SEMA4D: variants seen among roughly 807,000 people sequenced by gnomAD.
The protein encoded by SEMA4D is semaphorin 4D.
SEMA4D carries 22 observed loss-of-function variants against 74.8 expected under a neutral mutation model. The ratio of observed to expected loss-of-function variants is 0.29; its 90% confidence interval spans 0.21 to 0.42. SEMA4D has a LOEUF of 0.42. SEMA4D is among the 10% of genes least tolerant of loss of function. The pLI is 1.00. For synonymous variants in SEMA4D, 445 were observed against 463.7 expected, an observed-to-expected ratio of 0.96 and a Z score of 0.52; for missense variants, 937 against 1,118.4, an observed-to-expected ratio of 0.84 and a Z score of 2.31.
chr9:89,389,598 G>A (rs1303690318), intron 9 of SEMA4D, among the ~76,000 whole-genome samples: 1 of 152,172 alleles, frequency 6.6e-6, no homozygotes, highest in Non-Finnish European at 1.5e-5. Flanking sequence ...TTGAACCTAA[G>A]TTCTTTATAA....
chr9:89,364,259 G>T, intron 16 of SEMA4D: 1 of 450,918 alleles, frequency 2.2e-6, no homozygotes, highest in Non-Finnish European at 4.1e-6. Flanking sequence ...TTACAGAATG[G>T]TTCTGGGCCT....
Position 89,377,309 on chromosome 9 carries a change from G to T in SEMA4D, c.*1395C>A. 1 of 438,308 alleles carries T rather than the reference G, an allele frequency of 2.3e-6. No homozygotes were observed. The highest frequency in any genetic ancestry group is 2.0e-5 in the African/African-American group (1 of 49,440). The allele number at this position is 438,308 out of a possible 1,614,324, so 27.2% of individuals were successfully genotyped here. On this transcript the variant is annotated 3_prime_UTR_variant, in exon 16 of 16. Transcript: ENST00000422704. ...ATTCAAAGTAGAAAAATAAAAACAA[G>T]GTAAATCTTATAAAACACAAATGTT...
intron 2 of SEMA4D, among the ~76,000 whole-genome samples, chr9:89,441,645 C>T (rs1178515638): frequency 5.9e-5 from 9 of 152,194 alleles, no homozygotes; most frequent in Non-Finnish European, 1.5e-5. Flanking sequence ...CCCCATGGCT[C>T]CTCCTCAGGG....
intron 16 of SEMA4D, chr9:89,364,898 G>A (rs1267071849): frequency 7.6e-6 from 1 of 130,962 alleles, no homozygotes; most frequent in African/African-American, 3.0e-5. Context: ...GACACTATTT[G>A]TTCCAGGTGG....
At chr9:89,398,586 T>G (rs1293494231) in intron 5 of SEMA4D, among the ~76,000 whole-genome samples, 1 of 152,228 alleles carries the variant, frequency 6.6e-6, no homozygotes, top group Non-Finnish European at 1.5e-5. Flanking sequence ...AGAGGACAGC[T>G]GTCCCACACA....
chr9:89,469,013 T>C (rs1409253099), intron 1 of SEMA4D, among the ~76,000 whole-genome samples: 2 of 152,148 alleles, frequency 1.3e-5, no homozygotes, highest in African/African-American at 4.8e-5. Flanking sequence ...CTGATTAGAC[T>C]GGTTCCACAC....
intron 1 of SEMA4D, among the ~76,000 whole-genome samples, chr9:89,486,060 T>C (rs1267121217): frequency 6.6e-6 from 1 of 152,184 alleles, no homozygotes; most frequent in Admixed American, 6.5e-5. Context: ...TATAACAAGG[T>C]CACCATGAAC....
In SEMA4D at chr9:89,459,027, G is replaced by A. The variant is rs146141774; in HGVS notation, c.-309-3074C>T. Among the ~76,000 whole-genome samples, 292 of 152,194 alleles carry A rather than the reference G, an allele frequency of 1.9e-3. 1 individual carries two copies. Among genetic ancestry groups the A allele is most frequent in the African/African-American group, 6.8e-3 (282 of 41,500 alleles). On this transcript the variant is annotated intron_variant, in intron 1 of 15. Coordinates refer to ENST00000422704, the MANE Select transcript of SEMA4D (RefSeq NM_001371194.2). The stretch of plus-strand genomic sequence containing the variant: ...GCATGGTCCTTATCCTCTCCCCAAG[G>A]GAGCTGCAGCCCAGCATTCCCACCC...
chr9:89,460,384 C>A (rs1856930161), intron 1 of SEMA4D, among the ~76,000 whole-genome samples: 2 of 152,274 alleles, frequency 1.3e-5, no homozygotes, highest in Non-Finnish European at 2.9e-5. Context: ...CAGCATGTGG[C>A]CAGGCCCTGG....
chr9:89,402,927 C>A lies in SEMA4D; in HGVS notation c.196G>T (p.Ala66Ser). ...SEDKDTLYIGAREAVFAVNAL... is the reference protein window; with the variant it reads ...SEDKDTLYIGSREAVFAVNAL... ...TTCACAGCGAAGACCGCCTCCCGGG[C>A]ACCTATGTACAAGGTGTCCTTGTCC... Residue 66 changes from alanine (A) to serine (S), a missense_variant, in exon 4 of 16, where the codon GCC (alanine) becomes TCC (serine). Physicochemically the swap from Ala to Ser is moderately conservative, Grantham distance 99. Transcript: ENST00000422704. 6.2e-7 allele frequency: 1 copy of A among 1,614,188 alleles called. No individual in the cohort carries two copies. Among genetic ancestry groups the A allele is most frequent in the Non-Finnish European group, 8.5e-7 (1 of 1,180,010 alleles).
At chr9:89,362,540 C>T in intron 18 of SEMA4D, 1 of 1,584,258 alleles carries the variant, frequency 6.3e-7, no homozygotes, top group Non-Finnish European at 8.7e-7. Flanking sequence ...AGGCCTCAGC[C>T]CCCTGTTGTG....
intron 2 of SEMA4D, among the ~76,000 whole-genome samples, chr9:89,407,174 G>A (rs764148392): frequency 6.6e-6 from 1 of 152,200 alleles, no homozygotes; most frequent in Non-Finnish European, 1.5e-5. Flanking sequence ...ACTTGGGTTG[G>A]CAGTGTGCCC....
At chr9:89,396,628 T>C (rs1841023976) in intron 6 of SEMA4D, 109 bp downstream of exon 6, 1 of 951,086 alleles carries the variant, frequency 1.1e-6, no homozygotes, top group African/African-American at 1.7e-5. Flanking sequence ...TCTGAGAAAA[T>C]CCTATTTTTT....
At chr9:89,478,331 G>A (rs144591154) in intron 1 of SEMA4D, among the ~76,000 whole-genome samples, 6 of 152,326 alleles carry the variant, frequency 3.9e-5, no homozygotes, top group Non-Finnish European at 7.3e-5. Flanking sequence ...CAGACGCCAT[G>A]TGATGTTGGA....
At chr9:89,382,993 G>A (rs555710118) in intron 13 of SEMA4D, among the ~76,000 whole-genome samples, 5 of 152,348 alleles carry the variant, frequency 3.3e-5, no homozygotes, top group Admixed American at 3.3e-4. Flanking sequence ...CCCGGATGGG[G>A]CTGGGCTGCA....
intron 4 of SEMA4D, among the ~76,000 whole-genome samples, chr9:89,400,385 T>A (rs1257123761): frequency 6.6e-6 from 1 of 152,236 alleles, no homozygotes; most frequent in Non-Finnish European, 1.5e-5. Context: ...CCATAACTGA[T>A]GCAAAAGAAA....
intron 2 of SEMA4D, among the ~76,000 whole-genome samples, chr9:89,406,341 G>C (rs9410475): frequency 6.6e-5 from 10 of 152,106 alleles, no homozygotes; most frequent in Non-Finnish European, 1.5e-4. Context: ...AAAGAAGTCT[G>C]TGCACCATAG....
Position 89,379,259 on chromosome 9 carries a change from T to A in SEMA4D, c.2034A>T (p.Gln678His), listed in dbSNP as rs747349070. The A allele has an allele frequency of 1.2e-6, 2 of 1,614,100 alleles. No individual in the cohort carries two copies. Among genetic ancestry groups the A allele is most frequent in the Non-Finnish European group, 1.7e-6 (2 of 1,180,024 alleles). ...IATKVLVASTQGSSPPTPAVQ... is the reference protein window; with the variant it reads ...IATKVLVASTHGSSPPTPAVQ... Reference sequence around the variant, plus strand: ...CGGCTGGGGTTGGGGGAGAAGACCCTTGGGTGGATGCCACCAACACTTTGG... The same window carrying A: ...CGGCTGGGGTTGGGGGAGAAGACCCATGGGTGGATGCCACCAACACTTTGG... The change falls in exon 16 of 16, where the codon CAA (glutamine) becomes CAT (histidine). Residue 678 changes from glutamine to histidine, a missense_variant. Transcript: ENST00000422704.
chr9:89,417,291 C>T (rs1338715341), intron 2 of SEMA4D, among the ~76,000 whole-genome samples: 1 of 152,190 alleles, frequency 6.6e-6, no homozygotes, highest in Non-Finnish European at 1.5e-5. Flanking sequence ...CCCCAATGGA[C>T]CAGATAATAT....
Sources: allele counts gnomAD v4.1 joint callset (sites outside exome capture counted in the v4.1 genomes callset), GRCh38; gene constraint gnomAD v4.1.1; transcripts MANE v1.5; gene names NCBI Gene and HGNC (gene_info 2026-07-23, HGNC 2026-07-21).